Variants in BMPR1B observed in about 807,000 individuals in gnomAD.
The protein encoded by BMPR1B is bone morphogenetic protein receptor type-1B.
Under a neutral mutation model 59.1 loss-of-function variants are expected in BMPR1B, and 12 were observed. The observed-to-expected ratio is 0.20, with a 90% CI of 0.13 to 0.33. The LOEUF is 0.33. Among genes scored for constraint, BMPR1B ranks in the 10% least tolerant of loss-of-function variants. The probability of loss-of-function intolerance (pLI) is 1.00; values close to 1 mark genes in which losing one functional copy is unlikely to be tolerated. For missense variants in BMPR1B, 550 were observed against 610.9 expected (o/e 0.90, Z 1.05); for synonymous variants, 237 against 207.3 (o/e 1.14, Z -1.23).
chr4:95,148,770 C>A lies in BMPR1B; in HGVS notation c.1099C>A (p.Pro367Thr), dbSNP rs148550671. The A allele has an allele frequency of 2.6e-5, 42 of 1,613,780 alleles. No individual in the cohort carries two copies. The highest frequency in any genetic ancestry group is 3.3e-5 in the Admixed American group (2 of 59,968). ...TAGTGATACAAATGAAGTTGACATA[C>A]CACCTAACACTCGAGTTGGCACCAA... ...FISDTNEVDI[P>T]PNTRVGTKRY... The change falls in exon 11 of 13, where the codon CCA becomes ACA. Residue 367 changes from proline to threonine, a missense_variant. By Grantham distance (38) the Pro-to-Thr change is conservative. Transcript: ENST00000515059.
chr4:94,783,625 C>G (rs1437573338), intron 1 of BMPR1B, among the ~76,000 whole-genome samples: 2 of 152,160 alleles, frequency 1.3e-5, no homozygotes, highest in East Asian at 3.9e-4. Context: ...ATTTTTCTAG[C>G]AGGATGCTGG....
intron 8 of BMPR1B, among the ~76,000 whole-genome samples, chr4:95,129,539 A>G (rs986147997): frequency 1.3e-5 from 2 of 152,142 alleles, no homozygotes; most frequent in Non-Finnish European, 2.9e-5. Context: ...AGTCCATTAT[A>G]ACGGGGAAGT....
In BMPR1B at chr4:95,156,574, A is replaced by G. The variant is rs1411012406; in HGVS notation, c.*1901A>G. ...GGAGAATCATGAAGATTCTTTCTAT[A>G]TTTTGCATTTACTTCCCAGTGCTTC... On this transcript the variant is annotated 3_prime_UTR_variant, in exon 13 of 13. Transcript: ENST00000515059. The G allele has an allele frequency of 6.6e-6, 1 of 151,632 alleles. No individual in the cohort carries two copies. The highest frequency in any genetic ancestry group is 1.5e-5 in the Non-Finnish European group (1 of 67,886). 9.4% of individuals were successfully genotyped at this position (151,632 alleles called of 1,614,324 possible).
chr4:94,884,901 A>G (rs979977960), intron 2 of BMPR1B, among the ~76,000 whole-genome samples: 7 of 152,184 alleles, frequency 4.6e-5, no homozygotes, highest in African/African-American at 1.7e-4. Flanking sequence ...TGGTGTACCA[A>G]TTCCCAGCCT....
chr4:94,847,293 G>T (rs1300762400), intron 1 of BMPR1B, among the ~76,000 whole-genome samples: 1 of 152,178 alleles, frequency 6.6e-6, no homozygotes, highest in African/African-American at 2.4e-5. Flanking sequence ...AACAAATGCT[G>T]TTGAGGATGT....
At chr4:95,085,003 T>C (rs1413635356) in intron 3 of BMPR1B, among the ~76,000 whole-genome samples, 1 of 152,174 alleles carries the variant, frequency 6.6e-6, no homozygotes, top group Non-Finnish European at 1.5e-5. Flanking sequence ...GGTGCCCGGT[T>C]ACATGTTTTG....
At chr4:94,943,728 G>A (rs1446792958) in intron 2 of BMPR1B, among the ~76,000 whole-genome samples, 2 of 152,182 alleles carry the variant, frequency 1.3e-5, no homozygotes, top group Admixed American at 1.3e-4. Flanking sequence ...ATGGAATGCT[G>A]TAAATAATTT....
At chr4:94,886,627 C>T (rs570094373) in intron 2 of BMPR1B, among the ~76,000 whole-genome samples, 2 of 152,304 alleles carry the variant, frequency 1.3e-5, no homozygotes, top group Admixed American at 1.3e-4. Flanking sequence ...TTCAAATCTC[C>T]TCCCCAATGG....
chr4:94,842,108 C>G lies in BMPR1B; in HGVS notation c.-182-33723C>G, dbSNP rs368862162. 2.0e-5 allele frequency among the ~76,000 whole-genome samples: 3 copies of G among 152,048 alleles called. No homozygotes were observed. The East Asian group carries it at 5.8e-4, about 29-fold the overall frequency. On this transcript the variant is annotated intron_variant, in intron 1 of 12. Coordinates refer to ENST00000515059, the MANE Select transcript of BMPR1B (RefSeq NM_001203.3). ...CACCCCAGGGTGCTTGGACAAGTAG[C>G]CTGAAGCACAAATTATTTTTTACAT... is the stretch of plus-strand genomic sequence containing the variant.
rs1003587803 is a variant in BMPR1B, at chr4:94,975,364, T to G, written c.-112-20676T>G. Among the ~76,000 whole-genome samples, 12 of 36,996 alleles carry G rather than the reference T, an allele frequency of 3.2e-4. No homozygotes were observed. In the Admixed American group the frequency reaches 3.4e-3, roughly 10 times the overall value. The allele number at this position is 36,996 out of a possible 152,430, so 24.3% of individuals were successfully genotyped here. On this transcript the variant is annotated intron_variant, in intron 2 of 12. Coordinates refer to ENST00000515059, the MANE Select transcript of BMPR1B (RefSeq NM_001203.3). ...AAATCTTAATTTCCTTTTGTTTTTGTTTTTTTTTTTTTTTTTTGAGACGGG... is the reference window on the plus strand; with the variant it reads ...AAATCTTAATTTCCTTTTGTTTTTGGTTTTTTTTTTTTTTTTTGAGACGGG...
chr4:94,859,644 A>T (rs963189756), intron 1 of BMPR1B, among the ~76,000 whole-genome samples: 2 of 152,128 alleles, frequency 1.3e-5, no homozygotes, highest in South Asian at 2.1e-4. Flanking sequence ...GTAGGGTGGC[A>T]GTTTTGTGGC....
intron 1 of BMPR1B, among the ~76,000 whole-genome samples, chr4:94,845,988 G>T (rs35402441): frequency 1.3e-5 from 2 of 152,058 alleles, no homozygotes; most frequent in East Asian, 1.9e-4. Flanking sequence ...AAATTTCAGT[G>T]GAACAGAATA....
At chr4:94,992,687 T>C (rs1721827350) in intron 2 of BMPR1B, among the ~76,000 whole-genome samples, 1 of 152,198 alleles carries the variant, frequency 6.6e-6, no homozygotes, top group South Asian at 2.1e-4. Flanking sequence ...CCTCCCTCTT[T>C]GTGTTTTACA....
intron 1 of BMPR1B, among the ~76,000 whole-genome samples, chr4:94,858,864 C>A (rs1408531550): frequency 2.0e-5 from 3 of 152,120 alleles, no homozygotes; most frequent in Non-Finnish European, 2.9e-5. Context: ...CTTTCACCAC[C>A]CCTTCCAAAT....
intron 1 of BMPR1B, among the ~76,000 whole-genome samples, chr4:94,829,005 T>TAATG (rs1724479022): frequency 6.6e-6 from 1 of 150,962 alleles, no homozygotes; most frequent in African/African-American, 2.4e-5. Flanking sequence ...AAAAAAAAGA[T>TAATG]AATGCATTCT....
At chr4:94,790,107 T>C (rs367696927) in intron 1 of BMPR1B, among the ~76,000 whole-genome samples, 40 of 152,330 alleles carry the variant, frequency 2.6e-4, no homozygotes, top group African/African-American at 9.6e-4. Context: ...ATAAAGTATG[T>C]GTCAGTTGAC....
chr4:95,116,446 C>CACACAA (rs1273968493), intron 6 of BMPR1B, among the ~76,000 whole-genome samples: 1 of 151,474 alleles, frequency 6.6e-6, no homozygotes, highest in Non-Finnish European at 1.5e-5. Context: ...CACACACACA[C>CACACAA]ACACACACAC....
At chr4:95,014,532 G>A (rs537634971) in intron 3 of BMPR1B, among the ~76,000 whole-genome samples, 1 of 151,968 alleles carries the variant, frequency 6.6e-6, no homozygotes, top group Non-Finnish European at 1.5e-5. Flanking sequence ...GGTTTATATT[G>A]TAGCTTATAC....
chr4:94,815,616 C>T (rs2110645574), intron 1 of BMPR1B, among the ~76,000 whole-genome samples: 2 of 152,260 alleles, frequency 1.3e-5, no homozygotes, highest in South Asian at 4.2e-4. Flanking sequence ...TAACATGGTG[C>T]TGGAATTAGA....
Sources: gnomAD v4.1 joint callset for allele counts (sites outside exome capture counted in the v4.1 genomes callset) on GRCh38, gnomAD v4.1.1 for gene constraint, MANE v1.5 for transcripts, NCBI Gene and HGNC (gene_info 2026-07-23, HGNC 2026-07-21) for gene names.